Variants in RARB observed in about 807,000 individuals in gnomAD.
The protein encoded by RARB is HBV-activated protein.
RARB carries 17 observed loss-of-function variants against 51.9 expected under a neutral mutation model. The ratio of observed to expected loss-of-function variants is 0.33; its 90% CI spans 0.22 to 0.49. RARB has a LOEUF of 0.49. Among genes scored for constraint, RARB ranks in the 20% least tolerant of loss-of-function variants. The pLI is 0.99. For synonymous variants in RARB, 215 were observed against 195.4 expected (o/e 1.10, Z -0.84); for missense variants, 369 against 550.8 (o/e 0.67, Z 3.30).
At chr3:25,410,512 G>T (rs1000794610) in intron 5 of RARB, among the ~76,000 whole-genome samples, 1 of 152,178 alleles carries the variant, frequency 6.6e-6, no homozygotes, top group East Asian at 1.9e-4. Flanking sequence ...TGAACTCGCT[G>T]AGCCTAGTGA....
chr3:25,399,402 T>A (rs911328098), intron 5 of RARB, among the ~76,000 whole-genome samples: 1 of 152,148 alleles, frequency 6.6e-6, no homozygotes, highest in African/African-American at 2.4e-5. Context: ...ACCACCTAGA[T>A]GTAAAGACAG....
intron 4 of RARB, among the ~76,000 whole-genome samples, chr3:25,156,307 G>A (rs1024288334): frequency 3.9e-5 from 6 of 152,040 alleles, no homozygotes; most frequent in Non-Finnish European, 5.9e-5. Context: ...ACTGAATTCA[G>A]CCCATTTCTA....
At chr3:25,073,037 T>A (rs1204013381) in intron 3 of RARB, among the ~76,000 whole-genome samples, 3 of 152,114 alleles carry the variant, frequency 2.0e-5, no homozygotes, top group Non-Finnish European at 4.4e-5. Context: ...TTCCTGCCAT[T>A]TGAATATTGT....
intron 2 of RARB, among the ~76,000 whole-genome samples, chr3:24,928,741 C>T (rs922553097): frequency 1.3e-5 from 2 of 151,976 alleles, no homozygotes; most frequent in Non-Finnish European, 2.9e-5. Flanking sequence ...TCTCAGCTCC[C>T]AAATCCTCAT....
At chr3:25,026,521 ATTTCCT>A (rs1697752615) in intron 2 of RARB, among the ~76,000 whole-genome samples, 1 of 152,134 alleles carries the variant, frequency 6.6e-6, no homozygotes, top group Non-Finnish European at 1.5e-5. Flanking sequence ...GGGCATCCAA[ATTTCCT>A]ATTCTTATAA....
chr3:24,971,288 C>T (rs915251917), intron 2 of RARB, among the ~76,000 whole-genome samples: 7 of 151,928 alleles, frequency 4.6e-5, no homozygotes, highest in Non-Finnish European at 7.4e-5. Flanking sequence ...GGAGGTTAGT[C>T]ATTTAATCCT....
At chr3:24,962,167 G>A (rs911596613) in intron 2 of RARB, among the ~76,000 whole-genome samples, 3 of 151,666 alleles carry the variant, frequency 2.0e-5, no homozygotes, top group Admixed American at 6.6e-5. Context: ...CTGACCTCGT[G>A]ATCTGCCTGC....
intron 2 of RARB, among the ~76,000 whole-genome samples, chr3:24,858,946 A>C (rs2125340360): frequency 6.6e-6 from 1 of 151,242 alleles, no homozygotes; most frequent in South Asian, 2.1e-4. Flanking sequence ...TTGAGGCAGA[A>C]GAATCGCTTG....
At chr3:25,534,280 G>T (rs1559455147) in intron 3 of RARB, among the ~76,000 whole-genome samples, 1 of 152,298 alleles carries the variant, frequency 6.6e-6, no homozygotes, top group East Asian at 1.9e-4. Flanking sequence ...TACCTTAACA[G>T]TAGAGAAGTT....
intron 5 of RARB, among the ~76,000 whole-genome samples, chr3:25,271,303 T>TAAATTTCAAATA: frequency 6.6e-6 from 1 of 152,322 alleles, no homozygotes; most frequent in Non-Finnish European, 1.5e-5. Flanking sequence ...GTTTTTCATA[T>TAAATTTCAAATA]AAATAATAGT....
intron 5 of RARB, among the ~76,000 whole-genome samples, chr3:25,399,811 T>C (rs1707216040): frequency 6.6e-6 from 1 of 152,202 alleles, no homozygotes; most frequent in South Asian, 2.1e-4. Flanking sequence ...CAGAGACTGT[T>C]GCATATAACT....
chr3:25,425,596 C>G (rs1707966838), upstream of RARB, among the ~76,000 whole-genome samples: 1 of 152,136 alleles, frequency 6.6e-6, no homozygotes, highest in African/African-American at 2.4e-5. Context: ...AAGTTCATTT[C>G]TCAGTTGAGA....
rs556083409 is a variant in RARB at position 25,545,597 on chromosome 3, C to T, written c.449-24161C>T. Among the ~76,000 whole-genome samples, 14 of 152,274 alleles carry T rather than the reference C, an allele frequency of 9.2e-5. No homozygotes were observed. The South Asian group carries it at 2.7e-3, about 29-fold the overall frequency. ...GTGCGGTTGGCATTGCTCTGAGTAGCGGGTAAAGCCTTGGGGCCAGGGCTG... is the reference window on the plus strand; with the variant it reads ...GTGCGGTTGGCATTGCTCTGAGTAGTGGGTAAAGCCTTGGGGCCAGGGCTG... On this transcript the variant is annotated intron_variant, in intron 3 of 7. Coordinates refer to ENST00000330688, the MANE Select transcript of RARB (RefSeq NM_000965.5).
intron 1 of RARB, among the ~76,000 whole-genome samples, chr3:25,457,961 G>A (rs76534935): frequency 0.055 from 8,412 of 152,234 alleles, 345 homozygotes; most frequent in Admixed American, 0.12. Context: ...TGAAGCACAT[G>A]GATGGAAGTA....
chr3:25,420,698 A>G (rs1206087924), intron 5 of RARB, among the ~76,000 whole-genome samples: 1 of 152,170 alleles, frequency 6.6e-6, no homozygotes, highest in Non-Finnish European at 1.5e-5. Context: ...TCATGGGTAG[A>G]TGATGGATCA....
chr3:25,008,466 G>A (rs1393135377), intron 2 of RARB, among the ~76,000 whole-genome samples: 1 of 152,112 alleles, frequency 6.6e-6, no homozygotes, highest in South Asian at 2.1e-4. Flanking sequence ...GATGATGAAA[G>A]TTCTGCCTCT....
intron 3 of RARB, among the ~76,000 whole-genome samples, chr3:25,542,773 T>C (rs993812807): frequency 2.6e-5 from 4 of 152,232 alleles, no homozygotes; most frequent in African/African-American, 9.6e-5. Flanking sequence ...GAGCAGGTAA[T>C]TAGTAAATTT....
At chr3:25,484,298 G>C (rs1016884565) in intron 2 of RARB, among the ~76,000 whole-genome samples, 3 of 152,156 alleles carry the variant, frequency 2.0e-5, no homozygotes, top group African/African-American at 7.2e-5. Flanking sequence ...TCATGTCCTG[G>C]TTCATAGCAA....
At chr3:25,141,164 T>G (rs903039859) in intron 4 of RARB, among the ~76,000 whole-genome samples, 1 of 152,144 alleles carries the variant, frequency 6.6e-6, no homozygotes, top group Non-Finnish European at 1.5e-5. Flanking sequence ...TATAGTTCTC[T>G]AAAAGATGGT....
Sources: gnomAD v4.1 joint callset for allele counts (sites outside exome capture counted in the v4.1 genomes callset) on GRCh38, gnomAD v4.1.1 for gene constraint, MANE v1.5 for transcripts, NCBI Gene and HGNC (gene_info 2026-07-23, HGNC 2026-07-21) for gene names.